Variants in ZNF219 observed in about 807,000 individuals in gnomAD.
The protein encoded by ZNF219 is zinc finger protein 219.
Under a neutral mutation model 54.4 loss-of-function variants are expected in ZNF219, and 17 were observed. The ratio of observed to expected loss-of-function variants is 0.31; its 90% CI spans 0.21 to 0.47. The LOEUF is 0.47. ZNF219 is among the 20% of genes least tolerant of loss of function. ZNF219 has a pLI of 1.00. For synonymous variants in ZNF219, 518 were observed against 476.4 expected (o/e 1.09, Z -1.14); for missense variants, 1,014 against 1,062.3 (o/e 0.95, Z 0.63).
Position 21,090,785 on chromosome 14 carries a change from C to G in ZNF219, c.1920G>C (p.Gly640=). The G allele has an allele frequency of 6.3e-7, 1 of 1,588,312 alleles. No individual in the cohort carries two copies. The highest frequency in any genetic ancestry group is 1.3e-5 in the African/African-American group (1 of 74,740). The part of the protein sequence containing the change: ...SLRAGPGGEA[G]PGGALHRCLF... ...GGCAGCGGTGGAGGGCACCCCCAGGCCCGGCCTCGCCTCCCGGCCCTGCCC... is the reference window on the plus strand; with the variant it reads ...GGCAGCGGTGGAGGGCACCCCCAGGGCCGGCCTCGCCTCCCGGCCCTGCCC... The change falls in exon 5 of 5, where the codon GGG becomes GGC. Residue 640 remains glycine, a synonymous_variant. Transcript: ENST00000360947. The surrounding 1 kb of genome is among the most constrained non-coding windows in gnomAD (Gnocchi z 4.4).
At chr14:21,097,141 T>A (rs1033674415) in intron 1 of ZNF219, among the ~76,000 whole-genome samples, 2 of 152,208 alleles carry the variant, frequency 1.3e-5, no homozygotes, top group Non-Finnish European at 2.9e-5. Context: ...TCCATGGCCC[T>A]CTGAACCTCA....
intron 1 of ZNF219, among the ~76,000 whole-genome samples, chr14:21,097,071 C>T (rs1452002677): frequency 6.6e-6 from 1 of 152,188 alleles, no homozygotes; most frequent in Non-Finnish European, 1.5e-5. Flanking sequence ...GGGCGGTCTA[C>T]GTTCAAAAGA....
chr14:21,103,948 G>T (rs61405772), upstream of ZNF219: 10,638 of 152,466 alleles, frequency 0.07, 383 homozygotes, highest in African/African-American at 0.081. Flanking sequence ...CTGACGCTTG[G>T]CAGAGCTGGG....
upstream of ZNF219, chr14:21,100,973 G>A (rs1376518451): frequency 1.1e-5 from 2 of 178,980 alleles, no homozygotes; most frequent in Non-Finnish European, 2.4e-5. Context: ...GGTCGGGCTA[G>A]ACATCTTGTG....
At chr14:21,091,598 G>C (rs563102534) in intron 3 of ZNF219, 56 bp from the exon 4 acceptor site, 17 of 1,552,184 alleles carry the variant, frequency 1.1e-5, no homozygotes, top group Admixed American at 5.4e-5. Flanking sequence ...TCCAGGTGCC[G>C]CGCACCCACC....
rs373873657 is a variant in ZNF219 at position 21,091,970 on chromosome 14, C to T, written c.1327G>A (p.Gly443Ser). ...GAAGCCAGAGAGCCCAGCGACCTGC[C>T]CCGGGCCCAGGTTTCCTCCTCGGCC... Reference protein sequence around the residue: ...VEAEEETWARGRSLGSLASLH... With the variant: ...VEAEEETWARSRSLGSLASLH... The change falls in exon 3 of 5, where the codon GGC becomes AGC. Residue 443 changes from glycine to serine, a missense_variant. Transcript: ENST00000360947. The T allele has an allele frequency of 4.0e-5, 63 of 1,577,474 alleles. No individual in the cohort carries two copies. Among genetic ancestry groups the T allele is most frequent in the Non-Finnish European group, 4.9e-5 (57 of 1,162,264 alleles).
At chr14:21,102,691 T>C, upstream of ZNF219, 1 of 1,551,628 alleles carries the variant, frequency 6.4e-7, no homozygotes, top group South Asian at 1.2e-5. Flanking sequence ...GGGGGAGTGC[T>C]GGTCTCAGTG....
chr14:21,095,923 T>A (rs898376152), intron 1 of ZNF219, among the ~76,000 whole-genome samples: 7 of 152,110 alleles, frequency 4.6e-5, no homozygotes, highest in Non-Finnish European at 7.3e-5. Flanking sequence ...TGGAATGAGT[T>A]ACTGAGGCAT....
chr14:21,101,687 A>G, upstream of ZNF219: 1 of 652,540 alleles, frequency 1.5e-6, no homozygotes, highest in Admixed American at 2.9e-5. Flanking sequence ...AAACTACAAT[A>G]TGAGGCAGAA....
Position 21,090,707 on chromosome 14 carries a change from T to C in ZNF219, c.1998A>G (p.Gln666=). 1 of 1,610,972 alleles carries C rather than the reference T, an allele frequency of 6.2e-7. No individual in the cohort carries two copies. Among genetic ancestry groups the C allele is most frequent in the Non-Finnish European group, 8.5e-7 (1 of 1,179,360 alleles). ...GAPELMALHL[Q]VHHSRRARGR... ...CCCTAGCCCGGCGGCTGTGGTGCAC[T>C]TGAAGGTGCAAGGCCATGAGCTCTG... Residue 666 remains glutamine, a synonymous_variant, in exon 5 of 5, where the codon CAA becomes CAG. Coordinates refer to ENST00000360947, the MANE Select transcript of ZNF219 (RefSeq NM_016423.3). This position sits in a 1 kb window ranked among gnomAD's most constrained non-coding sequence, Gnocchi z 4.4.
upstream of ZNF219, chr14:21,098,896 C>G (rs756689342): frequency 5.5e-5 from 70 of 1,271,396 alleles, no homozygotes; most frequent in Non-Finnish European, 6.8e-5. Context: ...CTCAAAGCCT[C>G]TCCCTTACAA....
upstream of ZNF219, chr14:21,102,903 G>A: frequency 7.1e-7 from 1 of 1,417,048 alleles, no homozygotes; most frequent in Non-Finnish European, 9.3e-7. Flanking sequence ...GTCCTAGAAT[G>A]AAACTGATTG....
chr14:21,092,684 G>A lies in ZNF219; in HGVS notation c.613C>T (p.Leu205=). ...SFGSSQEEEL[L]HHSLTAHGAP... Reference sequence around the variant, plus strand: ...CCGTGGGCCGTCAGGCTGTGGTGCAGCAGCTCCTCCTCCTGGCTGGAGCCG... The same window carrying A: ...CCGTGGGCCGTCAGGCTGTGGTGCAACAGCTCCTCCTCCTGGCTGGAGCCG... Residue 205 remains leucine (L), a synonymous_variant, in exon 3 of 5, where the codon CTG becomes TTG. Coordinates refer to ENST00000360947, the MANE Select transcript of ZNF219 (RefSeq NM_016423.3). The A allele has an allele frequency of 1.3e-6, 2 of 1,576,660 alleles. No homozygotes were observed. Among genetic ancestry groups the A allele is most frequent in the East Asian group, 2.3e-5 (1 of 43,610 alleles).
In ZNF219 at chr14:21,092,397, G is replaced by A. The variant is rs779194074; in HGVS notation, c.900C>T (p.Phe300=). The stretch of plus-strand genomic sequence containing the variant: ...GGCCGCACACCGGACACGCATGATC[G>A]AAGGAGGCCTTGTGCTTACGCATGT... ...KGHMRKHKAS[F]DHACPVCGRC... Residue 300 remains phenylalanine, a synonymous_variant, in exon 3 of 5, where the codon TTC becomes TTT. Coordinates refer to ENST00000360947, the MANE Select transcript of ZNF219 (RefSeq NM_016423.3). The A allele has an allele frequency of 1.9e-6, 3 of 1,570,522 alleles. No homozygotes were observed. The highest frequency in any genetic ancestry group is 2.6e-6 in the Non-Finnish European group (3 of 1,158,206).
Position 21,090,694 on chromosome 14 carries a change from G to A in ZNF219, c.2011C>T (p.Arg671Cys), listed in dbSNP as rs1290601756. ...GGTGGCCGGCGGCCCCTAGCCCGGC[G>A]GCTGTGGTGCACTTGAAGGTGCAAG... ...MALHLQVHHS[R>C]RARGRRPPQA... Residue 671 changes from arginine (R) to cysteine (C), a missense_variant, in exon 5 of 5, where the codon CGC becomes TGC. Physicochemically the swap from Arg to Cys is radical, Grantham distance 180. Coordinates refer to ENST00000360947, the MANE Select transcript of ZNF219 (RefSeq NM_016423.3). This position sits in a 1 kb window ranked among gnomAD's most constrained non-coding sequence, Gnocchi z 4.4. The A allele has an allele frequency of 6.2e-7, 1 of 1,611,160 alleles. No individual in the cohort carries two copies. The highest frequency in any genetic ancestry group is 1.3e-5 in the African/African-American group (1 of 74,926).
rs1314927181 is a variant in ZNF219, at chr14:21,092,473, C to T, written c.824G>A (p.Arg275His). ...PEEPPAPPEFRCQVCGQSFTQ... is the reference protein window; with the variant it reads ...PEEPPAPPEFHCQVCGQSFTQ... ...AAAGCTCTGGCCGCACACTTGGCAG[C>T]GGAACTCCGGAGGCGCTGGGGGCTC... The change falls in exon 3 of 5, where the codon CGC (arginine) becomes CAC (histidine). Residue 275 changes from arginine (R) to histidine (H), a missense_variant. Around this residue, in one of 5 missense-constraint regions of ZNF219, gnomAD observed 395 missense variants for 415.1 expected, o/e 0.95. Transcript: ENST00000360947. 1 of 1,554,956 alleles carries T rather than the reference C, an allele frequency of 6.4e-7. No individual in the cohort carries two copies.
chr14:21,092,562 C>T lies in ZNF219; in HGVS notation c.735G>A (p.Gln245=). 2 of 1,547,850 alleles carry T rather than the reference C, an allele frequency of 1.3e-6. No homozygotes were observed. Among genetic ancestry groups the T allele is most frequent in the Non-Finnish European group, 1.7e-6 (2 of 1,146,406 alleles). ...PPQPEPRSVP[Q]PEPEPEPERE... is the part of the protein sequence containing the mutation. The stretch of plus-strand genomic sequence containing the variant: ...GTTCGGGCTCCGGCTCCGGCTCCGG[C>T]TGGGGGACTGATCTGGGTTCGGGCT... The change falls in exon 3 of 5, where the codon CAG becomes CAA. Residue 245 remains glutamine (Q), a synonymous_variant. Coordinates refer to ENST00000360947, the MANE Select transcript of ZNF219 (RefSeq NM_016423.3).
upstream of ZNF219, chr14:21,102,121 G>A (rs757600846): frequency 1.9e-6 from 3 of 1,550,722 alleles, no homozygotes; most frequent in Non-Finnish European, 2.6e-6. Flanking sequence ...CCTTTGGAAG[G>A]TGAGAGGGAA....
rs1432283384 is a variant in ZNF219 at position 21,092,113 on chromosome 14, C to T, written c.1184G>A (p.Gly395Asp). 4 of 1,526,862 alleles carry T rather than the reference C, an allele frequency of 2.6e-6. No homozygotes were observed. Among genetic ancestry groups the T allele is most frequent in the East Asian group, 2.5e-5 (1 of 39,372 alleles). The allele number at this position is 1,526,862 out of a possible 1,614,324, so 94.6% of individuals were successfully genotyped here. ...RAGEGRPNGE[G>D]AEPGPGRSFG... ...GCTGCGGCCGGGACCGGGCTCAGCA[C>T]CCTCGCCGTTGGGCCGGCCCTCGCC... The change falls in exon 3 of 5, where the codon GGT becomes GAT. Residue 395 changes from glycine (G) to aspartate (D), a missense_variant. Transcript: ENST00000360947.
Sources: allele counts gnomAD v4.1 joint callset (sites outside exome capture counted in the v4.1 genomes callset), GRCh38; gene constraint gnomAD v4.1.1; regional missense constraint gnomAD v4.1.1; non-coding constraint Gnocchi (gnomAD v3.1); transcripts MANE v1.5; gene names NCBI Gene and HGNC (gene_info 2026-07-23, HGNC 2026-07-21).